GLP2R: variants seen among roughly 807,000 people sequenced by gnomAD.
The protein encoded by GLP2R is glucagon like peptide 2 receptor.
GLP2R carries 59 observed loss-of-function variants against 68.2 expected under a neutral mutation model. The observed-to-expected ratio is 0.87, with a 90% CI of 0.70 to 1.07. The LOEUF is 1.07. Ranked by LOEUF, GLP2R falls within the 50% of genes least tolerant of loss-of-function variation. GLP2R has a pLI of 0.00. For missense variants in GLP2R, 548 were observed against 677.4 expected (o/e 0.81, Z 2.12); for synonymous variants, 270 against 265.4 (o/e 1.02, Z -0.17).
intron 12 of GLP2R, among the ~76,000 whole-genome samples, chr17:9,888,607 C>T (rs2152051438): frequency 6.6e-6 from 1 of 152,276 alleles, no homozygotes; most frequent in East Asian, 1.9e-4. Context: ...GCTGGGATTA[C>T]AGGTGCCCAC....
chr17:9,854,098 T>C lies in GLP2R; in HGVS notation c.505-397T>C, dbSNP rs148391358. On this transcript the variant is annotated intron_variant, in intron 4 of 12. Coordinates refer to ENST00000262441, the MANE Select transcript of GLP2R (RefSeq NM_004246.3). Reference sequence around the variant, plus strand: ...TACAAAGGAAACATTCAGACAGAAATTTGGCCCTGTCCTCCAGAAGGAAGG... The same window carrying C: ...TACAAAGGAAACATTCAGACAGAAACTTGGCCCTGTCCTCCAGAAGGAAGG... Among the ~76,000 whole-genome samples the C allele has an allele frequency of 2.6e-3, 391 of 152,296 alleles. 3 individuals carry two copies. The highest frequency in any genetic ancestry group is 9.1e-3 in the African/African-American group (378 of 41,568).
chr17:9,852,756 T>A (rs2152037303), intron 4 of GLP2R: 1 of 256,442 alleles, frequency 3.9e-6, no homozygotes, highest in South Asian at 5.0e-5. Context: ...ATTTCTCCAC[T>A]GCTGCTTTTT....
chr17:9,843,323 T>A (rs2066806036), intron 4 of GLP2R, among the ~76,000 whole-genome samples: 1 of 152,224 alleles, frequency 6.6e-6, no homozygotes, highest in South Asian at 2.1e-4. Flanking sequence ...ATATCCAGAC[T>A]CTGCTCTTCC....
At chr17:9,855,345 T>TCACCTC in intron 5 of GLP2R, among the ~76,000 whole-genome samples, 1 of 152,324 alleles carries the variant, frequency 6.6e-6, no homozygotes, top group Admixed American at 6.5e-5. Flanking sequence ...ATAAAGCCAG[T>TCACCTC]TGGCTACACA....
chr17:9,881,469 C>T (rs1474091377), intron 11 of GLP2R, among the ~76,000 whole-genome samples: 7 of 131,878 alleles, frequency 5.3e-5, no homozygotes, highest in Admixed American at 5.1e-4. Flanking sequence ...CAAGCTCCGC[C>T]TCCCGGGTTC....
At chr17:9,826,397 A>C in intron 1 of GLP2R, 145 bp downstream of exon 1, 2 of 606,738 alleles carry the variant, frequency 3.3e-6, no homozygotes, top group Non-Finnish European at 5.5e-6. Flanking sequence ...TAGCATTCAA[A>C]GGTAATCACT....
In GLP2R at chr17:9,843,335, G is replaced by A. The variant is rs565209476; in HGVS notation, c.504+719G>A. Among the ~76,000 whole-genome samples the A allele has an allele frequency of 7.9e-5, 12 of 152,330 alleles. No individual in the cohort carries two copies. The South Asian group carries it at 1.5e-3, about 18-fold the overall frequency. On this transcript the variant is annotated intron_variant, in intron 4 of 12. Transcript: ENST00000262441. ...TTCATATCCAGACTCTGCTCTTCCC[G>A]GCTGTGAACCTGGTGCAAGTTACCT... is the stretch of plus-strand genomic sequence containing the variant.
chr17:9,879,063 A>G (rs2067166237), intron 10 of GLP2R, among the ~76,000 whole-genome samples: 1 of 152,004 alleles, frequency 6.6e-6, no homozygotes. Flanking sequence ...GCTCAACAGT[A>G]AAGGGCAGTT....
chr17:9,864,486 T>TTTTGTTTG (rs371335549), intron 9 of GLP2R, among the ~76,000 whole-genome samples: 7 of 150,032 alleles, frequency 4.7e-5, no homozygotes, highest in Non-Finnish European at 4.5e-5. Context: ...TTTTCTGTTT[T>TTTTGTTTG]TTTGTTTGTT....
At chr17:9,868,023 C>T (rs1392204484) in intron 9 of GLP2R, among the ~76,000 whole-genome samples, 1 of 152,150 alleles carries the variant, frequency 6.6e-6, no homozygotes, top group Non-Finnish European at 1.5e-5. Flanking sequence ...GTTTTCCCAC[C>T]CCATCAAAAC....
intron 9 of GLP2R, among the ~76,000 whole-genome samples, chr17:9,868,337 A>T (rs1521465): frequency 0.25 from 37,763 of 151,972 alleles, 7,268 homozygotes; most frequent in African/African-American, 0.52. Context: ...GATGAGGCCT[A>T]CCCCTGAGCT....
chr17:9,864,022 G>T (rs1597393647), intron 9 of GLP2R, among the ~76,000 whole-genome samples: 1 of 152,174 alleles, frequency 6.6e-6, no homozygotes, highest in Non-Finnish European at 1.5e-5. Flanking sequence ...GGTCCAGCTG[G>T]ATCCCTAGTG....
intron 10 of GLP2R, among the ~76,000 whole-genome samples, chr17:9,879,088 A>G (rs1447724335): frequency 6.6e-6 from 1 of 151,868 alleles, no homozygotes; most frequent in Non-Finnish European, 1.5e-5. Context: ...CCAAACCTGT[A>G]TACTTCTCAG....
intron 9 of GLP2R, among the ~76,000 whole-genome samples, chr17:9,867,245 T>C (rs948752069): frequency 1.3e-5 from 2 of 152,220 alleles, no homozygotes; most frequent in African/African-American, 4.8e-5. Flanking sequence ...AGGTTCCGGC[T>C]CCCTGGTGAA....
intron 4 of GLP2R, 150 bp downstream of exon 4, chr17:9,842,766 C>T (rs560924766): frequency 2.5e-6 from 2 of 784,340 alleles, no homozygotes; most frequent in African/African-American, 3.5e-5. Context: ...CGCAAAGCAG[C>T]AACCCTTGTG....
intron 6 of GLP2R, among the ~76,000 whole-genome samples, chr17:9,858,408 G>T (rs942360073): frequency 6.6e-6 from 1 of 152,116 alleles, no homozygotes; most frequent in Non-Finnish European, 1.5e-5. Flanking sequence ...ACTGTGTTTT[G>T]TTGAGTATTT....
At chr17:9,860,504 T>TTGCAGTCAGC (rs2066978245) in intron 7 of GLP2R, among the ~76,000 whole-genome samples, 2 of 152,202 alleles carry the variant, frequency 1.3e-5, no homozygotes, top group African/African-American at 4.8e-5. Flanking sequence ...TTTTCCTGGC[T>TTGCAGTCAGC]TGCAGTCAGC....
intron 1 of GLP2R, among the ~76,000 whole-genome samples, chr17:9,826,574 A>G (rs1352083212): frequency 6.6e-6 from 1 of 152,164 alleles, no homozygotes; most frequent in Non-Finnish European, 1.5e-5. Flanking sequence ...TGCAAATAGC[A>G]TTTACAATTG....
At chr17:9,866,283 C>T (rs1414576570) in intron 9 of GLP2R, 6 of 186,496 alleles carry the variant, frequency 3.2e-5, no homozygotes, top group Non-Finnish European at 5.7e-5. Flanking sequence ...TGGTTTTCAA[C>T]CAGAGGAGAT....
Sources: gnomAD v4.1 joint callset for allele counts (sites outside exome capture counted in the v4.1 genomes callset) on GRCh38, gnomAD v4.1.1 for gene constraint, MANE v1.5 for transcripts, NCBI Gene and HGNC (gene_info 2026-07-23, HGNC 2026-07-21) for gene names.